Variants in COX7B2 observed in about 807,000 individuals in gnomAD.
COX7B2 encodes cytochrome c oxidase subunit 7B2.
For synonymous variants in COX7B2, 37 were observed against 32.1 expected, an observed-to-expected ratio of 1.15 and a Z score of -0.51; for missense variants, 109 against 95.9, an observed-to-expected ratio of 1.14 and a Z score of -0.57.
chr4:46,741,306 A>C (rs1380311722), intron 2 of COX7B2, among the ~76,000 whole-genome samples: 2 of 152,062 alleles, frequency 1.3e-5, no homozygotes, highest in Admixed American at 6.6e-5. Context: ...TGGTATGAAT[A>C]ATTCTTTGTT....
chr4:46,740,623 TA>T (rs1294320786), intron 2 of COX7B2, among the ~76,000 whole-genome samples: 17 of 151,994 alleles, frequency 1.1e-4, no homozygotes, highest in African/African-American at 3.9e-4. Flanking sequence ...TTGTTAGGTG[TA>T]AAATGGATGG....
At chr4:46,815,275 C>A (rs750279498) in intron 2 of COX7B2, among the ~76,000 whole-genome samples, 1 of 151,872 alleles carries the variant, frequency 6.6e-6, no homozygotes, top group Non-Finnish European at 1.5e-5. Context: ...AAGTTAGACT[C>A]TTCTCTTACA....
intron 1 of COX7B2, among the ~76,000 whole-genome samples, chr4:46,880,377 C>T (rs1216359901): frequency 2.7e-5 from 4 of 147,236 alleles, no homozygotes; most frequent in Non-Finnish European, 4.4e-5. Context: ...ATAATACATC[C>T]GGTAGAATTC....
rs186785157 is a variant in COX7B2 at position 46,890,674 on chromosome 4, G to A, written c.-105+18486C>T. 1.7e-3 allele frequency among the ~76,000 whole-genome samples: 262 copies of A among 152,256 alleles called. 3 individuals carry two copies. The highest frequency in any genetic ancestry group is 6.1e-3 in the African/African-American group (252 of 41,552). The stretch of plus-strand genomic sequence containing the variant: ...GAAAGGACAAACCATATGAACATTT[G>A]GATAAAGAGCATTCTGGACAGAGGG... On this transcript the variant is annotated intron_variant, in intron 1 of 2. Transcript: ENST00000355591.
chr4:46,800,266 T>C (rs1229331176), intron 2 of COX7B2, among the ~76,000 whole-genome samples: 1 of 152,034 alleles, frequency 6.6e-6, no homozygotes, highest in Non-Finnish European at 1.5e-5. Flanking sequence ...AGAAAAAAAC[T>C]ACTCTAAAAC....
At chr4:46,877,697 T>C (rs184116131) in intron 1 of COX7B2, among the ~76,000 whole-genome samples, 7 of 152,250 alleles carry the variant, frequency 4.6e-5, no homozygotes, top group Admixed American at 3.3e-4. Flanking sequence ...CCTGTTAGAA[T>C]AGGTATACCA....
intron 2 of COX7B2, among the ~76,000 whole-genome samples, chr4:46,803,981 T>C (rs558508859): frequency 6.6e-6 from 1 of 152,222 alleles, no homozygotes; most frequent in South Asian, 2.1e-4. Flanking sequence ...ACCCTTGCAG[T>C]GTTACAGTTC....
At chr4:46,905,444 A>T (rs2109906710) in intron 1 of COX7B2, among the ~76,000 whole-genome samples, 1 of 152,286 alleles carries the variant, frequency 6.6e-6, no homozygotes, top group East Asian at 1.9e-4. Context: ...GGACATGAAA[A>T]TATTCTTGGT....
At chr4:46,830,023 G>A (rs554594078) in intron 2 of COX7B2, among the ~76,000 whole-genome samples, 1 of 152,148 alleles carries the variant, frequency 6.6e-6, no homozygotes, top group East Asian at 1.9e-4. Context: ...AAATAGAATA[G>A]ATACTATAAA....
intron 2 of COX7B2, among the ~76,000 whole-genome samples, chr4:46,752,950 G>T (rs10155355): frequency 0.33 from 49,740 of 151,958 alleles, 8,405 homozygotes; most frequent in South Asian, 0.47. Context: ...TCAGGGAGGA[G>T]TCCCTCTTTT....
At chr4:46,796,434 A>G (rs1466311543) in intron 2 of COX7B2, among the ~76,000 whole-genome samples, 2 of 141,204 alleles carry the variant, frequency 1.4e-5, no homozygotes, top group Non-Finnish European at 3.0e-5. Flanking sequence ...TTAAAAAGTC[A>G]GGAAACAACA....
At chr4:46,820,938 A>G (rs1477709458) in intron 2 of COX7B2, among the ~76,000 whole-genome samples, 1 of 152,032 alleles carries the variant, frequency 6.6e-6, no homozygotes, top group African/African-American at 2.4e-5. Flanking sequence ...TTTAGATTTA[A>G]TAGCCCATGA....
chr4:46,853,505 TTATAA>T (rs1156598905), intron 1 of COX7B2, among the ~76,000 whole-genome samples: 1 of 152,122 alleles, frequency 6.6e-6, no homozygotes, highest in Non-Finnish European at 1.5e-5. Flanking sequence ...GTAAAAACAT[TTATAA>T]TATGATTACA....
At position 46,735,109 on chromosome 4, in the gene COX7B2, T is replaced by C; in HGVS notation, c.84A>G (p.Val28=). 1 of 1,614,032 alleles carries C rather than the reference T, an allele frequency of 6.2e-7. No individual in the cohort carries two copies. Among genetic ancestry groups the C allele is most frequent in the Non-Finnish European group, 8.5e-7 (1 of 1,179,936 alleles). Reference sequence around the variant, plus strand: ...TATCATGAAAATCTGGTGAGTGTTTTACATGGCTATGTCTTGCCATGCTTT... The same window carrying C: ...TATCATGAAAATCTGGTGAGTGTTTCACATGGCTATGTCTTGCCATGCTTT... ...ILQSMARHSH[V]KHSPDFHDKY... is the part of the protein sequence containing the mutation. Residue 28 remains valine, a synonymous_variant, in exon 3 of 3, where the codon GTA becomes GTG. Transcript: ENST00000355591.
intron 2 of COX7B2, among the ~76,000 whole-genome samples, chr4:46,760,050 C>T (rs967176204): frequency 3.3e-5 from 5 of 151,794 alleles, no homozygotes; most frequent in Non-Finnish European, 7.4e-5. Context: ...AGCCCTGGGA[C>T]CAGGAGAACA....
intron 2 of COX7B2, among the ~76,000 whole-genome samples, chr4:46,776,788 C>G (rs1717176593): frequency 6.6e-6 from 1 of 152,008 alleles, no homozygotes; most frequent in East Asian, 1.9e-4. Context: ...TGAACCTCAC[C>G]CCTTACTTAC....
chr4:46,775,257 C>A (rs1717092515), intron 2 of COX7B2, among the ~76,000 whole-genome samples: 1 of 151,964 alleles, frequency 6.6e-6, no homozygotes, highest in Non-Finnish European at 1.5e-5. Context: ...TATTATAAGG[C>A]AGTATTTTGC....
chr4:46,745,620 T>C (rs1446539601), intron 2 of COX7B2, among the ~76,000 whole-genome samples: 1 of 152,230 alleles, frequency 6.6e-6, no homozygotes, highest in Non-Finnish European at 1.5e-5. Context: ...ACACTGATTT[T>C]TTTTTCCTTC....
chr4:46,811,514 A>C (rs1719284360), intron 2 of COX7B2, among the ~76,000 whole-genome samples: 1 of 151,944 alleles, frequency 6.6e-6, no homozygotes, highest in Non-Finnish European at 1.5e-5. Flanking sequence ...CTCCTATTTG[A>C]ATTTCTCATT....
Sources: allele counts gnomAD v4.1 joint callset (sites outside exome capture counted in the v4.1 genomes callset), GRCh38; gene constraint gnomAD v4.1.1; transcripts MANE v1.5; gene names NCBI Gene and HGNC (gene_info 2026-07-23, HGNC 2026-07-21).